PGS1: variants seen among roughly 807,000 people sequenced by gnomAD.
The protein encoded by PGS1 is phosphatidylglycerophosphate synthase 1, also known as CDP-diacylglycerol--glycerol-3-phosphate 3-phosphatidyltransferase, mitochondrial.
In PGS1, 44 loss-of-function variants were observed where a neutral mutation model predicts 58.3. The observed-to-expected ratio is 0.75, with a 90% CI of 0.59 to 0.97. The LOEUF (loss-of-function observed/expected upper bound fraction) is 0.97. Ranked by LOEUF, PGS1 falls within the 50% of genes least tolerant of loss-of-function variation. The pLI, the probability that PGS1 is intolerant of heterozygous loss-of-function variation, is 0.00. For missense variants in PGS1, 684 were observed against 731.1 expected (o/e 0.94, Z 0.74); for synonymous variants, 330 against 311.0 (o/e 1.06, Z -0.64).
At chr17:78,420,135 A>C in intron 9 of PGS1, 4 of 1,026,832 alleles carry the variant, frequency 3.9e-6, no homozygotes, top group Non-Finnish European at 3.5e-6. Flanking sequence ...GCTGTAGTGC[A>C]CAGGGTGGGG....
At chr17:78,390,277 C>G (rs1265813334) in intron 1 of PGS1, among the ~76,000 whole-genome samples, 2 of 151,884 alleles carry the variant, frequency 1.3e-5, no homozygotes, top group Admixed American at 1.3e-4. Context: ...GGCCCTTCAT[C>G]TGCAAGCTGA....
chr17:78,386,920 C>G (rs959301748), intron 1 of PGS1, among the ~76,000 whole-genome samples: 1 of 152,020 alleles, frequency 6.6e-6, no homozygotes, highest in Non-Finnish European at 1.5e-5. Flanking sequence ...TCCTTCTGTC[C>G]TGGCTGATGT....
chr17:78,396,385 G>C lies in PGS1; in HGVS notation c.411G>C (p.Leu137=), dbSNP rs779680738. ...GGACAGGTCCTTTGGAACAGGAGCT[G>C]GTAAGGTTTATGGGGAGATGGTTGT... ...YLGTGPLEQE[L]VDCLESTLEK... The change falls in exon 3 of 10, where the codon CTG becomes CTC. Residue 137 remains leucine (L), a splice_region_variant and synonymous_variant. Transcript: ENST00000262764. 1 of 1,608,454 alleles carries C rather than the reference G, an allele frequency of 6.2e-7. No individual in the cohort carries two copies. Among genetic ancestry groups the C allele is most frequent in the Admixed American group, 1.7e-5 (1 of 59,348 alleles).
chr17:78,398,134 C>T (rs923191286), intron 3 of PGS1, 118 bp from the exon 4 acceptor site: 19 of 800,422 alleles, frequency 2.4e-5, no homozygotes, highest in Non-Finnish European at 3.8e-5. Context: ...GTGCTGATGG[C>T]ACAAACCTAT....
In PGS1 at chr17:78,396,239, A is replaced by G. The variant is rs1300578941; in HGVS notation, c.334-69A>G. ...GGAGTGGGATTTGCCTCCCAGGTCA[A>G]AGGGTTCTGTTTTCTTAGTGAACCA... On this transcript the variant is annotated intron_variant, in intron 2 of 9. Transcript: ENST00000262764. 8.3e-6 allele frequency: 10 copies of G among 1,202,648 alleles called. No homozygotes were observed. The East Asian group carries it at 2.1e-4, about 25-fold the overall frequency. The allele number at this position is 1,202,648 out of a possible 1,614,324, so 74.5% of individuals were successfully genotyped here. A position where few individuals can be genotyped will look rare whatever the true frequency, so the allele number is the denominator to read the frequency against.
intron 3 of PGS1, among the ~76,000 whole-genome samples, chr17:78,397,623 C>T (rs546149447): frequency 1.3e-4 from 20 of 151,270 alleles, no homozygotes; most frequent in Admixed American, 4.6e-4. Flanking sequence ...TTAGTAGAGA[C>T]GGGGTTTCTC....
rs572547320 is a variant in PGS1, at chr17:78,410,462, CTTTTTTTTTTTTTTT to C, written c.1403-4402_1403-4388del. 2.4e-4 allele frequency among the ~76,000 whole-genome samples: 18 copies of C among 73,558 alleles called. No individual in the cohort carries two copies. In the South Asian group the frequency reaches 9.2e-3, roughly 38 times the overall value. The allele number at this position is 73,558 out of a possible 152,430, so 48.3% of individuals were successfully genotyped here. A position where few individuals can be genotyped will look rare whatever the true frequency, so the allele number is the denominator to read the frequency against. On this transcript the variant is annotated intron_variant, in intron 7 of 9. Coordinates refer to ENST00000262764, the MANE Select transcript of PGS1 (RefSeq NM_024419.5). ...ATAAAACAAAACCAAAACTTCAGAG[CTTTTTTTTTTTTTTT>C]TTTTTTTTTTTTTTGGGACGGAGTC...
intron 2 of PGS1, among the ~76,000 whole-genome samples, chr17:78,393,161 C>T (rs1404629933): frequency 1.9e-4 from 29 of 152,070 alleles, no homozygotes; most frequent in Middle Eastern, 3.4e-3. Flanking sequence ...CTCGGGTTCA[C>T]GCCATTCTCC....
rs115096726 is a variant in PGS1 at position 78,393,536 on chromosome 17, C to T, written c.333+871C>T. ...GTCTGTGTATGATGGACCCCTAACC[C>T]GGGAATCATCTCCAAACACAGTAGT... On this transcript the variant is annotated intron_variant, in intron 2 of 9. Transcript: ENST00000262764. Among the ~76,000 whole-genome samples the T allele has an allele frequency of 2.0e-3, 297 of 152,198 alleles. 1 individual carries two copies. Among genetic ancestry groups the T allele is most frequent in the African/African-American group, 6.2e-3 (258 of 41,508 alleles).
In PGS1 at chr17:78,400,777, G is replaced by A. The variant is rs1320759241; in HGVS notation, c.802G>A (p.Ala268Thr). ...CGACTTCTTCACGGAGCTGGTGGAC[G>A]CGGTGGGGGATGTGTCCCTGCAGCT... is the stretch of plus-strand genomic sequence containing the variant. ...IADFFTELVD[A>T]VGDVSLQLQG... Residue 268 changes from alanine (A) to threonine (T), a missense_variant, in exon 6 of 10, where the codon GCG (alanine) becomes ACG (threonine). Coordinates refer to ENST00000262764, the MANE Select transcript of PGS1 (RefSeq NM_024419.5). The surrounding 1 kb of genome is among the most constrained non-coding windows in gnomAD (Gnocchi z 4.4). 1.2e-6 allele frequency: 2 copies of A among 1,613,912 alleles called. No homozygotes were observed. The highest frequency in any genetic ancestry group is 8.5e-7 in the Non-Finnish European group (1 of 1,179,928).
chr17:78,378,969 C>A (rs2081835572), intron 1 of PGS1, among the ~76,000 whole-genome samples, 161 bp downstream of exon 1: 1 of 152,212 alleles, frequency 6.6e-6, no homozygotes, highest in South Asian at 2.1e-4. Context: ...GACCTATGTG[C>A]TTCTTCACTG....
rs752721495 is a variant in PGS1 at position 78,415,029 on chromosome 17, T to G, written c.1551+2T>G. 1 of 1,612,080 alleles carries G rather than the reference T, an allele frequency of 6.2e-7. No homozygotes were observed. Among genetic ancestry groups the G allele is most frequent in the South Asian group, 1.1e-5 (1 of 90,952 alleles). ...GCCCTGCAGCAGCAGCTTCACCAGGTTGGTCGCAGCAAGTGGGATTTCCCA... is the reference window on the plus strand; with the variant it reads ...GCCCTGCAGCAGCAGCTTCACCAGGGTGGTCGCAGCAAGTGGGATTTCCCA... On this transcript the variant is annotated splice_donor_variant, in intron 8 of 9. Coordinates refer to ENST00000262764, the MANE Select transcript of PGS1 (RefSeq NM_024419.5). LOFTEE classifies it high-confidence loss of function.
At chr17:78,405,701 C>G (rs2084074734) in intron 7 of PGS1, among the ~76,000 whole-genome samples, 1 of 152,224 alleles carries the variant, frequency 6.6e-6, no homozygotes, top group East Asian at 1.9e-4. Flanking sequence ...CTGGGGACCC[C>G]CAATCCTGGA....
At position 78,398,366 on chromosome 17, in the gene PGS1, A is replaced by G. The variant is rs749772606; in HGVS notation, c.511+15A>G. 1.3e-6 allele frequency: 2 copies of G among 1,565,478 alleles called. No individual in the cohort carries two copies. Among genetic ancestry groups the G allele is most frequent in the East Asian group, 4.5e-5 (2 of 44,618 alleles). On this transcript the variant is annotated intron_variant, in intron 4 of 9. Coordinates refer to ENST00000262764, the MANE Select transcript of PGS1 (RefSeq NM_024419.5). Reference sequence around the variant, plus strand: ...GGGCTCACGAGGTAGGTGGCATGCAAGCCTGGCCCCTCCTGCTTCCTGTGT... The same window carrying G: ...GGGCTCACGAGGTAGGTGGCATGCAGGCCTGGCCCCTCCTGCTTCCTGTGT...
At chr17:78,393,582 A>G (rs1366271336) in intron 2 of PGS1, among the ~76,000 whole-genome samples, 1 of 152,176 alleles carries the variant, frequency 6.6e-6, no homozygotes, top group Non-Finnish European at 1.5e-5. Flanking sequence ...TAGATGTAGT[A>G]GGAAGTAAAA....
At position 78,424,189 on chromosome 17, in the gene PGS1, GC is replaced by G; in HGVS notation, c.*141del. The G allele has an allele frequency of 6.3e-7, 1 of 1,577,746 alleles. No homozygotes were observed. Among genetic ancestry groups the G allele is most frequent in the East Asian group, 2.2e-5 (1 of 44,472 alleles). ...AGTATGGCTGAGGGTCAGGTGTGCT[GC>G]CAGTAAGTGAGGGAGGGGCTGGCAG... On this transcript the variant is annotated 3_prime_UTR_variant, in exon 10 of 10. Transcript: ENST00000262764.
intron 7 of PGS1, among the ~76,000 whole-genome samples, chr17:78,414,290 G>A (rs1307513658): frequency 2.0e-5 from 3 of 152,180 alleles, no homozygotes. Flanking sequence ...TTGCCACCCC[G>A]CGTGACAACC....
chr17:78,385,587 C>T (rs2082326727), intron 1 of PGS1, among the ~76,000 whole-genome samples: 1 of 152,076 alleles, frequency 6.6e-6, no homozygotes, highest in Non-Finnish European at 1.5e-5. Context: ...CTGTGCCTGG[C>T]CTAATTTTTG....
chr17:78,378,912 C>T, intron 1 of PGS1, 104 bp downstream of exon 1: 2 of 1,228,368 alleles, frequency 1.6e-6, no homozygotes, highest in Non-Finnish European at 2.1e-6. Flanking sequence ...GCAGCGAGTC[C>T]CTCCCCGGTT....
Sources: allele counts gnomAD v4.1 joint callset (sites outside exome capture counted in the v4.1 genomes callset), GRCh38; gene constraint gnomAD v4.1.1; non-coding constraint Gnocchi (gnomAD v3.1); transcripts MANE v1.5; gene names NCBI Gene and HGNC (gene_info 2026-07-23, HGNC 2026-07-21).